The following STIL variants were observed in gnomAD, a reference collection of about 807,000 sequenced individuals.
STIL encodes the protein SCL-interrupting locus protein.
Under a neutral mutation model 110.1 loss-of-function variants are expected in STIL, and 55 were observed. The ratio of observed to expected loss-of-function variants is 0.50; its 90% CI spans 0.40 to 0.63. The LOEUF is 0.63. Among genes scored for constraint, STIL ranks in the 20% least tolerant of loss-of-function variants. The probability of loss-of-function intolerance (pLI) is 0.00; values close to 1 mark genes in which losing one functional copy is unlikely to be tolerated. For synonymous variants in STIL, 481 were observed against 530.0 expected (o/e 0.91, Z 1.27); for missense variants, 1,358 against 1,530.0 (o/e 0.89, Z 1.87).
At chr1:47,291,527 T>C (rs1645490086) in intron 8 of STIL, among the ~76,000 whole-genome samples, 1 of 152,028 alleles carries the variant, frequency 6.6e-6, no homozygotes, top group South Asian at 2.1e-4. Flanking sequence ...TTTAACATAC[T>C]ATTTATTTTA....
intron 10 of STIL, among the ~76,000 whole-genome samples, chr1:47,284,355 T>G (rs1645233259): frequency 6.6e-6 from 1 of 152,170 alleles, no homozygotes; most frequent in South Asian, 2.1e-4. Context: ...AAACAAGGTT[T>G]TTTAACATCA....
chr1:47,262,461 CAG>C (rs1203485877), intron 15 of STIL, among the ~76,000 whole-genome samples: 1 of 152,178 alleles, frequency 6.6e-6, no homozygotes, highest in Non-Finnish European at 1.5e-5. Context: ...CTCAAGGGCA[CAG>C]AGTGTCATAT....
intron 13 of STIL, among the ~76,000 whole-genome samples, chr1:47,270,091 A>C (rs927310333): frequency 1.3e-5 from 2 of 151,824 alleles, no homozygotes; most frequent in Non-Finnish European, 2.9e-5. Flanking sequence ...ATACAAAAAA[A>C]TTAGCCAGGT....
At chr1:47,257,325 A>G (rs1048627027) in intron 16 of STIL, among the ~76,000 whole-genome samples, 4 of 152,146 alleles carry the variant, frequency 2.6e-5, no homozygotes, top group Non-Finnish European at 4.4e-5. Flanking sequence ...ATTGCAGTAC[A>G]GTTTCCTATT....
chr1:47,292,052 G>C (rs1645507474), intron 8 of STIL, among the ~76,000 whole-genome samples: 3 of 149,552 alleles, frequency 2.0e-5, no homozygotes, highest in African/African-American at 7.4e-5. Context: ...GTTAGAGACA[G>C]AGTCTTGCTA....
chr1:47,305,604 A>G (rs1444853923), intron 2 of STIL, among the ~76,000 whole-genome samples: 1 of 145,560 alleles, frequency 6.9e-6, no homozygotes, highest in Middle Eastern at 3.9e-3. Flanking sequence ...AATTTTTTGT[A>G]TTTTTAGTAG....
At chr1:47,311,265 ATTTTC>A (rs1269994482) in intron 1 of STIL, among the ~76,000 whole-genome samples, 1 of 142,118 alleles carries the variant, frequency 7.0e-6, no homozygotes, top group Non-Finnish European at 1.5e-5. Flanking sequence ...TTTCAAATCC[ATTTTC>A]TTTTCTTTTT....
chr1:47,256,215 G>C (rs1340734187), intron 16 of STIL, among the ~76,000 whole-genome samples: 2 of 152,128 alleles, frequency 1.3e-5, no homozygotes, highest in African/African-American at 4.8e-5. Context: ...CACTAAAAAT[G>C]AACCTTCACT....
At chr1:47,272,702 A>C (rs542529939) in intron 12 of STIL, among the ~76,000 whole-genome samples, 1 of 152,130 alleles carries the variant, frequency 6.6e-6, no homozygotes, top group African/African-American at 2.4e-5. Context: ...TGCCCACCTC[A>C]GCCTTTAAGT....
chr1:47,264,015 A>C (rs759673425), intron 14 of STIL, among the ~76,000 whole-genome samples: 5 of 152,104 alleles, frequency 3.3e-5, no homozygotes, highest in Non-Finnish European at 7.4e-5. Flanking sequence ...AGCCTCCCCA[A>C]GTGCTGGGAT....
intron 16 of STIL, among the ~76,000 whole-genome samples, chr1:47,259,285 CTTTT>C (rs3043082): frequency 1.3e-5 from 1 of 76,096 alleles, no homozygotes; most frequent in Non-Finnish European, 2.3e-5. Flanking sequence ...CGCGCCCGGC[CTTTT>C]TTTTTTTTTT....
At chr1:47,252,792 C>G (rs1644222764) in intron 16 of STIL, among the ~76,000 whole-genome samples, 1 of 141,766 alleles carries the variant, frequency 7.1e-6, no homozygotes, top group South Asian at 2.1e-4. Flanking sequence ...CACACACACA[C>G]ACACACACAC....
In STIL at chr1:47,272,198, G is replaced by C; in HGVS notation, c.2261C>G (p.Pro754Arg). ...LEAQSLMPCSPKTTAVEDTVQ... is the reference protein window; with the variant it reads ...LEAQSLMPCSRKTTAVEDTVQ... ...TGTGTCTTCAACAGCAGTTGTCTTA[G>C]GGGAACAGGGCATCAGAGACTGTGC... The change falls in exon 13 of 17, where the codon CCT (proline) becomes CGT (arginine). Residue 754 changes from proline (P) to arginine (R), a missense_variant. Physicochemically the swap from Pro to Arg is moderately radical, Grantham distance 103. Coordinates refer to ENST00000371877, the MANE Select transcript of STIL (RefSeq NM_001048166.1). 1 of 1,614,102 alleles carries C rather than the reference G, an allele frequency of 6.2e-7. No homozygotes were observed.
Position 47,299,960 on chromosome 1 carries a change from T to C in STIL, c.646A>G (p.Arg216Gly). 1.2e-6 allele frequency: 2 copies of C among 1,614,186 alleles called. No individual in the cohort carries two copies. The highest frequency in any genetic ancestry group is 1.7e-6 in the Non-Finnish European group (2 of 1,180,012). ...ATATTCAGATTACTGCTCAAGTTTC[T>C]TGCCAGAGCTGTTGGAATAATGGGG... ...PIPIIPTALA[R>G]NLSSNLNISQ... The change falls in exon 6 of 17, where the codon AGA (arginine) becomes GGA (glycine). Residue 216 changes from arginine to glycine, a missense_variant. Transcript: ENST00000371877.
chr1:47,290,629 G>A (rs993894634), intron 8 of STIL, among the ~76,000 whole-genome samples: 1 of 151,842 alleles, frequency 6.6e-6, no homozygotes, highest in Non-Finnish European at 1.5e-5. Flanking sequence ...CGTGAACCCG[G>A]GAGGTGGAGC....
chr1:47,303,591 T>C (rs1039079191), intron 3 of STIL, among the ~76,000 whole-genome samples: 10 of 151,758 alleles, frequency 6.6e-5, no homozygotes, highest in African/African-American at 2.4e-4. Flanking sequence ...CTTAAATGAA[T>C]AGGTTAGATG....
intron 2 of STIL, among the ~76,000 whole-genome samples, chr1:47,306,231 T>C (rs1645957917): frequency 2.7e-5 from 4 of 150,876 alleles, no homozygotes; most frequent in Admixed American, 6.7e-5. Flanking sequence ...TACATTTACA[T>C]TTAAATTTAA....
intron 14 of STIL, among the ~76,000 whole-genome samples, chr1:47,263,681 T>A (rs1307698891): frequency 6.6e-6 from 1 of 151,798 alleles, no homozygotes; most frequent in Non-Finnish European, 1.5e-5. Context: ...TCTCCTGAAC[T>A]TGATGGCAAT....
chr1:47,302,240 C>A lies in STIL; in HGVS notation c.259G>T (p.Asp87Tyr). 6.2e-7 allele frequency: 1 copy of A among 1,611,542 alleles called. No individual in the cohort carries two copies. The highest frequency in any genetic ancestry group is 1.1e-5 in the South Asian group (1 of 91,030). The part of the protein sequence containing the change: ...SCFLLGSLTA[D>Y]EDEEGVTLTV... ...ATTTTTAAAAGTGTATTACCTTCGTCTGCTGTCAGAGAACCAAGTAAAAAG... is the reference window on the plus strand; with the variant it reads ...ATTTTTAAAAGTGTATTACCTTCGTATGCTGTCAGAGAACCAAGTAAAAAG... The change falls in exon 4 of 17, where the codon GAC becomes TAC. Residue 87 changes from aspartate to tyrosine, a missense_variant. Asp to Tyr is a radical substitution (Grantham distance 160, BLOSUM62 -3). Coordinates refer to ENST00000371877, the MANE Select transcript of STIL (RefSeq NM_001048166.1).
Sources: allele counts gnomAD v4.1 joint callset (sites outside exome capture counted in the v4.1 genomes callset), GRCh38; gene constraint gnomAD v4.1.1; transcripts MANE v1.5; gene names NCBI Gene and HGNC (gene_info 2026-07-23, HGNC 2026-07-21).